Variants in MBTPS1 observed in about 807,000 individuals in gnomAD.
MBTPS1 encodes membrane-bound transcription factor site-1 protease.
In MBTPS1, 94 loss-of-function variants were observed where a neutral mutation model predicts 127.8. The observed-to-expected ratio is 0.74, with a 90% CI of 0.62 to 0.87. The LOEUF (loss-of-function observed/expected upper bound fraction) is 0.87, where lower values mean the gene tolerates loss of function less well. Ranked by LOEUF, MBTPS1 falls within the 40% of genes least tolerant of loss-of-function variation. The probability of loss-of-function intolerance (pLI) is 0.00; values close to 1 mark genes in which losing one functional copy is unlikely to be tolerated. For missense variants in MBTPS1, 1,636 were observed against 1,353.2 expected (o/e 1.21, Z -3.28); for synonymous variants, 632 against 509.4 (o/e 1.24, Z -3.24).
chr16:84,069,456 G>C (rs945195450), intron 14 of MBTPS1, among the ~76,000 whole-genome samples: 1 of 152,202 alleles, frequency 6.6e-6, no homozygotes, highest in African/African-American at 2.4e-5. Context: ...CAGAAGAGGA[G>C]TGGAATTTAG....
chr16:84,104,743 G>T (rs747054672), intron 1 of MBTPS1, among the ~76,000 whole-genome samples: 3 of 152,068 alleles, frequency 2.0e-5, no homozygotes, highest in Non-Finnish European at 4.4e-5. Flanking sequence ...GCCTTTAAAA[G>T]AAATGAAAAG....
chr16:84,079,109 G>A (rs1466477374), intron 11 of MBTPS1, among the ~76,000 whole-genome samples: 2 of 152,184 alleles, frequency 1.3e-5, no homozygotes, highest in African/African-American at 2.4e-5. Context: ...GTGTTTAACA[G>A]TCTGGGACCT....
chr16:84,086,601 C>T (rs2086030922), intron 9 of MBTPS1: 1 of 152,192 alleles, frequency 6.6e-6, no homozygotes, highest in Admixed American at 6.5e-5. Context: ...AAAGTGGCTA[C>T]AGTGTGGACG....
chr16:84,070,079 C>A (rs2085748753), intron 13 of MBTPS1, 41 bp from the exon 14 acceptor site: 1 of 1,503,364 alleles, frequency 6.7e-7, no homozygotes, highest in African/African-American at 1.4e-5. Context: ...CCTCATTGTG[C>A]AGAAAGAAAC....
chr16:84,082,981 G>A (rs1451068627), intron 10 of MBTPS1, among the ~76,000 whole-genome samples: 1 of 152,180 alleles, frequency 6.6e-6, no homozygotes, highest in African/African-American at 2.4e-5. Flanking sequence ...GCAGGGAGAT[G>A]AGGAGACTGA....
chr16:84,070,906 ATT>A (rs1178595970), intron 12 of MBTPS1, 130 bp from the exon 13 acceptor site: 5 of 682,448 alleles, frequency 7.3e-6, no homozygotes, highest in Non-Finnish European at 1.2e-5. Context: ...GAAAAATAAA[ATT>A]TATACACAGA....
At chr16:84,058,661 G>C (rs148566786) in intron 21 of MBTPS1, among the ~76,000 whole-genome samples, 2 of 152,342 alleles carry the variant, frequency 1.3e-5, no homozygotes, top group East Asian at 1.9e-4. Flanking sequence ...TGCCGAGCTG[G>C]TCCTAGCCAC....
intron 11 of MBTPS1, among the ~76,000 whole-genome samples, chr16:84,075,865 G>C (rs536963004): frequency 1.3e-5 from 2 of 152,136 alleles, no homozygotes; most frequent in Non-Finnish European, 2.9e-5. Context: ...AAAAGAAAAG[G>C]AAATAGGTAC....
intron 1 of MBTPS1, among the ~76,000 whole-genome samples, chr16:84,114,275 C>A (rs536574239): frequency 6.6e-6 from 1 of 152,158 alleles, no homozygotes; most frequent in South Asian, 2.1e-4. Flanking sequence ...AAGGTGTATT[C>A]GGGTGTATTC....
In MBTPS1 at chr16:84,068,338, C is replaced by G; in HGVS notation, c.2071+1G>C. ...CTGGCTAGCACAGCAGTGCCACTTA[C>G]CATACTGACTGGCATCAAAACACGT... is the stretch of plus-strand genomic sequence containing the variant. On this transcript the variant is annotated splice_donor_variant, in intron 15 of 22. Coordinates refer to ENST00000343411, the MANE Select transcript of MBTPS1 (RefSeq NM_003791.4). LOFTEE classifies it high-confidence loss of function. The G allele has an allele frequency of 6.3e-7, 1 of 1,591,550 alleles. No homozygotes were observed. The highest frequency in any genetic ancestry group is 8.6e-7 in the Non-Finnish European group (1 of 1,159,530).
chr16:84,057,430 T>C (rs1162052900), intron 21 of MBTPS1: 1 of 152,230 alleles, frequency 6.6e-6, no homozygotes, highest in Non-Finnish European at 1.5e-5. Context: ...ATGGTAACAG[T>C]CCACACCCAT....
Position 84,060,706 on chromosome 16 carries a change from A to G in MBTPS1, c.2680T>C (p.Ser894Pro), listed in dbSNP as rs1432017808. Residue 894 changes from serine to proline, a missense_variant, in exon 20 of 23, where the codon TCA becomes CCA. Transcript: ENST00000343411. Reference sequence around the variant, plus strand: ...CCTTCCATCCTCTCTGGAGTGACTGAGCCTGCTCCACTGGGAGGGCGCTGG... The same window carrying G: ...CCTTCCATCCTCTCTGGAGTGACTGGGCCTGCTCCACTGGGAGGGCGCTGG... ...NRQRPPSGAG[S>P]VTPERMEGNH... 6.2e-7 allele frequency: 1 copy of G among 1,614,022 alleles called. No individual in the cohort carries two copies. The highest frequency in any genetic ancestry group is 1.1e-5 in the South Asian group (1 of 91,018).
intron 1 of MBTPS1, among the ~76,000 whole-genome samples, chr16:84,106,773 G>A (rs962845628): frequency 2.0e-5 from 3 of 152,176 alleles, no homozygotes; most frequent in African/African-American, 4.8e-5. Context: ...GAGGACTTCC[G>A]TACAAGAGCC....
At position 84,054,569 on chromosome 16, in the gene MBTPS1, G is replaced by A. The variant is rs1014940933; in HGVS notation, c.3039C>T (p.Val1013=). The change falls in exon 23 of 23, where the codon GTC becomes GTT. Residue 1013 remains valine (V), a synonymous_variant. Transcript: ENST00000343411. Reference sequence around the variant, plus strand: ...TGATTTGTACCACAAAGAAGGCCAGGACCACCATGGCTCCCAGGAAGGCAA... The same window carrying A: ...TGATTTGTACCACAAAGAAGGCCAGAACCACCATGGCTCCCAGGAAGGCAA... ...PVFAFLGAMV[V]LAFFVVQINK... is the part of the protein sequence containing the mutation. 6.2e-7 allele frequency: 1 copy of A among 1,613,894 alleles called. No individual in the cohort carries two copies. The highest frequency in any genetic ancestry group is 8.5e-7 in the Non-Finnish European group (1 of 1,179,874).
intron 11 of MBTPS1, among the ~76,000 whole-genome samples, chr16:84,079,545 A>G (rs765224442): frequency 5.9e-5 from 9 of 152,206 alleles, no homozygotes; most frequent in Non-Finnish European, 1.2e-4. Context: ...CACAAATACT[A>G]TATTCAAAAA....
intron 21 of MBTPS1, among the ~76,000 whole-genome samples, chr16:84,058,964 C>T (rs992983257): frequency 6.6e-6 from 1 of 152,202 alleles, no homozygotes; most frequent in Non-Finnish European, 1.5e-5. Flanking sequence ...ATGTCTGAAA[C>T]AGGGAACACA....
intron 1 of MBTPS1, among the ~76,000 whole-genome samples, chr16:84,105,716 C>G (rs970009066): frequency 9.9e-5 from 15 of 152,130 alleles, no homozygotes; most frequent in Non-Finnish European, 1.8e-4. Context: ...CCCCAGCCAA[C>G]AGCCGGAAAT....
In MBTPS1 at chr16:84,095,792, T is replaced by A. The variant is rs2086171224; in HGVS notation, c.435A>T (p.Val145=). 1 of 1,613,622 alleles carries A rather than the reference T, an allele frequency of 6.2e-7. No individual in the cohort carries two copies. The highest frequency in any genetic ancestry group is 8.5e-7 in the Non-Finnish European group (1 of 1,179,872). The stretch of plus-strand genomic sequence containing the variant: ...GGCTCCACCGGGTTTCATTGCAGGG[T>A]ACTGTGGGGTCAGCTACAGGCAAGG... The part of the protein sequence containing the change: ...SLKYAESDPT[V]PCNETRWSQK... Residue 145 remains valine, a synonymous_variant, in exon 4 of 23, where the codon GTA becomes GTT. Transcript: ENST00000343411.
chr16:84,060,526 C>A, intron 20 of MBTPS1, 156 bp downstream of exon 20: 1 of 771,042 alleles, frequency 1.3e-6, no homozygotes. Flanking sequence ...CAGGTTAGAG[C>A]CGCTGAGTGC....
Sources: gnomAD v4.1 joint callset for allele counts (sites outside exome capture counted in the v4.1 genomes callset) on GRCh38, gnomAD v4.1.1 for gene constraint, MANE v1.5 for transcripts, NCBI Gene and HGNC (gene_info 2026-07-23, HGNC 2026-07-21) for gene names.